Variants in PHACTR3 observed in about 807,000 individuals in gnomAD.
The protein encoded by PHACTR3 is phosphatase and actin regulator 3.
A neutral mutation model predicts 66.8 loss-of-function variants in PHACTR3; 16 were observed. That is an observed-to-expected ratio of 0.24 (90% CI 0.16 to 0.36). The LOEUF (loss-of-function observed/expected upper bound fraction) is 0.36. Among genes scored for constraint, PHACTR3 ranks in the 10% least tolerant of loss-of-function variants. The pLI is 1.00. For synonymous variants in PHACTR3, 323 were observed against 292.1 expected (o/e 1.11, Z -1.08); for missense variants, 647 against 719.9 (o/e 0.90, Z 1.16).
At chr20:59,837,514 T>G (rs2058987719) in intron 9 of PHACTR3, among the ~76,000 whole-genome samples, 1 of 152,186 alleles carries the variant, frequency 6.6e-6, no homozygotes, top group Non-Finnish European at 1.5e-5. Flanking sequence ...CTTTATAGAT[T>G]GTTGAAAATA....
chr20:59,719,589 A>C (rs2038217392), intron 1 of PHACTR3, among the ~76,000 whole-genome samples: 1 of 152,092 alleles, frequency 6.6e-6, no homozygotes, highest in Non-Finnish European at 1.5e-5. Flanking sequence ...CCTTTAGCCC[A>C]CCTTCCCCCA....
At chr20:59,732,898 T>C (rs1406775909) in intron 1 of PHACTR3, among the ~76,000 whole-genome samples, 3 of 152,106 alleles carry the variant, frequency 2.0e-5, no homozygotes, top group Non-Finnish European at 2.9e-5. Flanking sequence ...TTGAGGTCTC[T>C]GTTTCCCCTA....
At chr20:59,775,120 T>G (rs1450417216) in intron 7 of PHACTR3, among the ~76,000 whole-genome samples, 1 of 151,854 alleles carries the variant, frequency 6.6e-6, no homozygotes, top group Non-Finnish European at 1.5e-5. Flanking sequence ...CCTTGAGGAC[T>G]CCGGGGCTCG....
chr20:59,645,681 G>C (rs1473321810), intron 1 of PHACTR3, among the ~76,000 whole-genome samples: 1 of 152,114 alleles, frequency 6.6e-6, no homozygotes, highest in Non-Finnish European at 1.5e-5. Flanking sequence ...ATATGTGTGT[G>C]TGGCGTGTGT....
chr20:59,722,994 C>T (rs1280834496), intron 1 of PHACTR3, among the ~76,000 whole-genome samples: 1 of 151,676 alleles, frequency 6.6e-6, no homozygotes, highest in African/African-American at 2.4e-5. Flanking sequence ...GTGGGCAGGC[C>T]CTGACCATCT....
intron 1 of PHACTR3, among the ~76,000 whole-genome samples, chr20:59,620,801 G>A (rs1217292838): frequency 6.6e-6 from 1 of 152,178 alleles, no homozygotes; most frequent in African/African-American, 2.4e-5. Context: ...ATCCTCGCCT[G>A]CCAGTTGTCA....
chr20:59,739,566 C>G (rs193040656), intron 1 of PHACTR3, among the ~76,000 whole-genome samples: 2 of 152,098 alleles, frequency 1.3e-5, no homozygotes, highest in South Asian at 4.2e-4. Flanking sequence ...GGAGGAGCCT[C>G]CCTTATAAAA....
intron 1 of PHACTR3, among the ~76,000 whole-genome samples, chr20:59,668,188 G>A (rs953499090): frequency 8.6e-5 from 13 of 151,256 alleles, no homozygotes; most frequent in African/African-American, 2.9e-4. Context: ...AGGTGGGCAC[G>A]TACGCCTGTA....
At chr20:59,742,157 G>A (rs996402427) in intron 1 of PHACTR3, among the ~76,000 whole-genome samples, 6 of 152,232 alleles carry the variant, frequency 3.9e-5, no homozygotes, top group African/African-American at 1.4e-4. Flanking sequence ...CTGGTGGCGT[G>A]TGCGTGTGAA....
intron 1 of PHACTR3, chr20:59,627,959 A>T (rs6064818): frequency 6.6e-6 from 1 of 151,842 alleles, no homozygotes; most frequent in Non-Finnish European, 1.5e-5. Context: ...CTGTGTATCT[A>T]TCGTCTCTCT....
intron 1 of PHACTR3, among the ~76,000 whole-genome samples, chr20:59,593,495 T>A (rs1034536999): frequency 6.6e-6 from 1 of 152,202 alleles, no homozygotes; most frequent in Non-Finnish European, 1.5e-5. Context: ...GTAGACTTTT[T>A]TTTTTAATGA....
At chr20:59,614,444 G>A (rs949292172) in intron 1 of PHACTR3, among the ~76,000 whole-genome samples, 4 of 152,198 alleles carry the variant, frequency 2.6e-5, no homozygotes, top group Non-Finnish European at 5.9e-5. Context: ...GCTGGGACTC[G>A]TGTTCCTGTT....
At chr20:59,737,142 C>G (rs1443798269) in intron 1 of PHACTR3, among the ~76,000 whole-genome samples, 2 of 152,188 alleles carry the variant, frequency 1.3e-5, no homozygotes, top group African/African-American at 4.8e-5. Flanking sequence ...ACTGTTTCCT[C>G]CTGTCTTGGA....
At chr20:59,777,371 C>G (rs1399280273) in intron 7 of PHACTR3, among the ~76,000 whole-genome samples, 2 of 152,202 alleles carry the variant, frequency 1.3e-5, no homozygotes, top group African/African-American at 4.8e-5. Flanking sequence ...CCTGATTCCA[C>G]TCCTCTTGGT....
At chr20:59,689,700 T>C (rs927434800) in intron 1 of PHACTR3, among the ~76,000 whole-genome samples, 1 of 152,174 alleles carries the variant, frequency 6.6e-6, no homozygotes, top group Non-Finnish European at 1.5e-5. Context: ...TGGTAATCCC[T>C]CTTGTAGAGT....
At chr20:59,644,997 C>T (rs568224610) in intron 1 of PHACTR3, among the ~76,000 whole-genome samples, 35 of 152,092 alleles carry the variant, frequency 2.3e-4, no homozygotes, top group African/African-American at 7.7e-4. Flanking sequence ...GCACGTTTTT[C>T]AGCCCTTGTC....
At chr20:59,624,456 A>G (rs941606652) in intron 1 of PHACTR3, among the ~76,000 whole-genome samples, 9 of 152,158 alleles carry the variant, frequency 5.9e-5, no homozygotes, top group African/African-American at 2.2e-4. Context: ...CAGTATGAAC[A>G]TGCATTTTTA....
intron 8 of PHACTR3, among the ~76,000 whole-genome samples, chr20:59,818,960 T>C (rs2041957904): frequency 6.6e-6 from 1 of 152,178 alleles, no homozygotes; most frequent in Admixed American, 6.5e-5. Context: ...ATTTGCCCCA[T>C]CTTTGCTCCC....
At chr20:59,682,020 A>AAAAG (rs563357510) in intron 1 of PHACTR3, among the ~76,000 whole-genome samples, 2 of 151,682 alleles carry the variant, frequency 1.3e-5, no homozygotes, top group East Asian at 1.9e-4. Context: ...CAAAAAAAAA[A>AAAAG]AAAGAAAGAA....
Sources: gnomAD v4.1 joint callset for allele counts (sites outside exome capture counted in the v4.1 genomes callset) on GRCh38, gnomAD v4.1.1 for gene constraint, MANE v1.5 for transcripts, NCBI Gene and HGNC (gene_info 2026-07-23, HGNC 2026-07-21) for gene names.